MAK16: variants seen among roughly 807,000 people sequenced by gnomAD.
MAK16 encodes the protein MAK16 homolog.
In MAK16, 12 loss-of-function variants were observed where a neutral mutation model predicts 49.9. The ratio of observed to expected loss-of-function variants is 0.24; its 90% CI spans 0.15 to 0.39. MAK16 has a LOEUF of 0.39. Ranked by LOEUF, MAK16 falls within the 10% of genes least tolerant of loss-of-function variation. The probability of loss-of-function intolerance (pLI) is 1.00; values close to 1 mark genes in which losing one functional copy is unlikely to be tolerated. For synonymous variants in MAK16, 115 were observed against 126.4 expected, an observed-to-expected ratio of 0.91 and a Z score of 0.60; for missense variants, 292 against 363.7, an observed-to-expected ratio of 0.80 and a Z score of 1.60.
intron 4 of MAK16, 90 bp from the exon 5 acceptor site, chr8:33,488,898 C>T (rs997850766): frequency 2.5e-6 from 4 of 1,600,406 alleles, no homozygotes; most frequent in Non-Finnish European, 2.6e-6. Flanking sequence ...CTTTTGAGGC[C>T]ATCCTCATTA....
rs965129617 is a variant in MAK16 at position 33,500,584 on chromosome 8, T to C, written c.*1955T>C. The C allele has an allele frequency of 6.8e-7, 1 of 1,477,490 alleles. No homozygotes were observed. The highest frequency in any genetic ancestry group is 9.2e-7 in the Non-Finnish European group (1 of 1,086,698). The allele number at this position is 1,477,490 out of a possible 1,614,324, so 91.5% of individuals were successfully genotyped here. A position where few individuals can be genotyped will look rare whatever the true frequency, so the allele number is the denominator to read the frequency against. ...GACTGTCAAGTGGAAAGCTATCATT[T>C]CCTAAATTAAGGAACTTAGGTCAAA... On this transcript the variant is annotated 3_prime_UTR_variant, in exon 10 of 10. Coordinates refer to ENST00000360128, the MANE Select transcript of MAK16 (RefSeq NM_032509.4).
intron 6 of MAK16, among the ~76,000 whole-genome samples, chr8:33,490,545 T>C (rs1585314485): frequency 6.6e-6 from 1 of 152,226 alleles, no homozygotes; most frequent in South Asian, 2.1e-4. Context: ...TTTGGGGATA[T>C]ATGTAATGGA....
At position 33,490,359 on chromosome 8, in the gene MAK16, T is replaced by G. The variant is rs1207909123; in HGVS notation, c.447+20T>G. The G allele has an allele frequency of 1.2e-6, 2 of 1,601,644 alleles. No homozygotes were observed. The highest frequency in any genetic ancestry group is 1.1e-5 in the South Asian group (1 of 90,568). On this transcript the variant is annotated intron_variant, in intron 6 of 9. Coordinates refer to ENST00000360128, the MANE Select transcript of MAK16 (RefSeq NM_032509.4). ...AGAGAGGTAACTTATTGTTGAGATA[T>G]TCATACCTTCTACATTTTCTTTCTG...
intron 6 of MAK16, 148 bp from the exon 7 acceptor site, chr8:33,495,394 C>A: frequency 1.6e-6 from 1 of 637,560 alleles, no homozygotes; most frequent in Non-Finnish European, 2.7e-6. Flanking sequence ...AGAAATCTAT[C>A]TCGTTGGAAA....
At position 33,496,709 on chromosome 8, in the gene MAK16, G is replaced by A; in HGVS notation, c.607G>A (p.Glu203Lys). The change falls in exon 8 of 10, where the codon GAG becomes AAG. Residue 203 changes from glutamate (E) to lysine (K), a missense_variant. Physicochemically the swap from Glu to Lys is moderately conservative, Grantham distance 56. Transcript: ENST00000360128. ...GGCAGAGAGTGACTCTTCAGATACT[G>A]AGGAAAAAGATGATGATGATGATGA... The part of the protein sequence containing the change: ...QEAESDSSDT[E>K]EKDDDDDDEE... 6.2e-7 allele frequency: 1 copy of A among 1,612,022 alleles called. No homozygotes were observed. Among genetic ancestry groups the A allele is most frequent in the South Asian group, 1.1e-5 (1 of 90,810 alleles).
chr8:33,487,896 C>G (rs915045723), intron 1 of MAK16, among the ~76,000 whole-genome samples: 1 of 152,088 alleles, frequency 6.6e-6, no homozygotes, highest in Non-Finnish European at 1.5e-5. Context: ...CTGTATTTAG[C>G]TTTTCTATAA....
rs369102207 is a variant in MAK16, at chr8:33,490,269, A to G, written c.393-16A>G. 14 of 1,606,446 alleles carry G rather than the reference A, an allele frequency of 8.7e-6. No homozygotes were observed. In the African/African-American group the frequency reaches 9.4e-5, roughly 11 times the overall value. On this transcript the variant is annotated splice_polypyrimidine_tract_variant and intron_variant, in intron 5 of 9. Coordinates refer to ENST00000360128, the MANE Select transcript of MAK16 (RefSeq NM_032509.4). ...CACATGACAGTGGATTTTCTGATAT[A>G]TTTTCTTTCCCTTAGGAGGAAACTT... is the stretch of plus-strand genomic sequence containing the variant.
chr8:33,498,664 T>G lies in MAK16; in HGVS notation c.*35T>G. ...CAGCATTTATACCCAGGACTGAACA[T>G]GCAGAACTGTTTTTTTTTTTTTTTT... On this transcript the variant is annotated 3_prime_UTR_variant, in exon 10 of 10. Transcript: ENST00000360128. 6.8e-7 allele frequency: 1 copy of G among 1,460,474 alleles called. No homozygotes were observed. The highest frequency in any genetic ancestry group is 9.3e-7 in the Non-Finnish European group (1 of 1,072,674). The allele number at this position is 1,460,474 out of a possible 1,614,324, so 90.5% of individuals were successfully genotyped here.
rs1182899346 is a variant in MAK16 at position 33,498,853 on chromosome 8, T to G, written c.*224T>G. ...TGTTTTTATAGCATATGTGTTGAAG[T>G]AACAGCTTGTGCCCGAGAAACTTAA... is the stretch of plus-strand genomic sequence containing the variant. On this transcript the variant is annotated 3_prime_UTR_variant, in exon 10 of 10. Coordinates refer to ENST00000360128, the MANE Select transcript of MAK16 (RefSeq NM_032509.4). 2.5e-5 allele frequency: 15 copies of G among 591,716 alleles called. No homozygotes were observed. The highest frequency in any genetic ancestry group is 4.2e-5 in the Non-Finnish European group (14 of 337,210). The allele number at this position is 591,716 out of a possible 1,614,324, so 36.7% of individuals were successfully genotyped here. A position where few individuals can be genotyped will look rare whatever the true frequency, so the allele number is the denominator to read the frequency against.
In MAK16 at chr8:33,498,939, C is replaced by A; in HGVS notation, c.*310C>A. On this transcript the variant is annotated 3_prime_UTR_variant, in exon 10 of 10. Transcript: ENST00000360128. ...TGTAAATATTTCTAAATTTTAAATG[C>A]TACATTACTTGGTGTCCTTTTTTCT... is the stretch of plus-strand genomic sequence containing the variant. The A allele has an allele frequency of 1.7e-6, 1 of 582,874 alleles. No individual in the cohort carries two copies. Among genetic ancestry groups the A allele is most frequent in the Middle Eastern group, 4.6e-4 (1 of 2,192 alleles). The allele number at this position is 582,874 out of a possible 1,614,324, so 36.1% of individuals were successfully genotyped here.
chr8:33,496,555 C>G, intron 7 of MAK16, 70 bp from the exon 8 acceptor site: 1 of 1,164,898 alleles, frequency 8.6e-7, no homozygotes, highest in African/African-American at 1.5e-5. Flanking sequence ...GTAATATTCT[C>G]CACAGAAAGT....
intron 6 of MAK16, among the ~76,000 whole-genome samples, chr8:33,493,257 A>G (rs554247688): frequency 2.6e-5 from 4 of 152,244 alleles, no homozygotes; most frequent in East Asian, 3.9e-4. Context: ...GGATTCAAGC[A>G]ATTCTTGTGC....
rs1456945107 is a variant in MAK16 at position 33,489,895 on chromosome 8, G to A, written c.393-390G>A. Among the ~76,000 whole-genome samples, 1 of 152,166 alleles carries A rather than the reference G, an allele frequency of 6.6e-6. No individual in the cohort carries two copies. The highest frequency in any genetic ancestry group is 2.4e-5 in the African/African-American group (1 of 41,440). ...ACTGTGATCTACATAGAATGCTAAA[G>A]ATGATGTCAGACTTCGACAGAAAAT... On this transcript the variant is annotated intron_variant, in intron 5 of 9. Transcript: ENST00000360128. The surrounding 1 kb of genome is among the most constrained non-coding windows in gnomAD (Gnocchi z 4.2).
intron 9 of MAK16, among the ~76,000 whole-genome samples, chr8:33,497,519 GT>G (rs1044141303): frequency 3.3e-5 from 5 of 151,500 alleles, no homozygotes; most frequent in Admixed American, 2.6e-4. Flanking sequence ...TTTAGATGAA[GT>G]TTCGCTCTGT....
chr8:33,500,399 T>TA lies in MAK16; in HGVS notation c.*1772dup, dbSNP rs758541435. 2.4e-5 allele frequency: 39 copies of TA among 1,614,062 alleles called. No individual in the cohort carries two copies. The African/African-American group carries it at 4.5e-4, about 19-fold the overall frequency. On this transcript the variant is annotated 3_prime_UTR_variant, in exon 10 of 10. Coordinates refer to ENST00000360128, the MANE Select transcript of MAK16 (RefSeq NM_032509.4). ...GTGGCCTCCTGTAGCAGGGCGCTCT[T>TA]AACAGACTCAGGTGTAAGGTTTGGA...
At chr8:33,486,075 A>C (rs1050231396) in intron 1 of MAK16, among the ~76,000 whole-genome samples, 1 of 152,230 alleles carries the variant, frequency 6.6e-6, no homozygotes, top group Admixed American at 6.5e-5. Context: ...TATAAGGGTC[A>C]TCAAAGTGAC....
At chr8:33,498,406 C>CT in intron 9 of MAK16, 26 bp from the exon 10 acceptor site, 3 of 1,609,056 alleles carry the variant, frequency 1.9e-6, no homozygotes, top group Non-Finnish European at 2.5e-6. Context: ...TTCCCTCTTC[C>CT]TTTATCTTTT....
In MAK16 at chr8:33,497,197, G is replaced by C. The variant is rs780863815; in HGVS notation, c.640-35G>C. Reference sequence around the variant, plus strand: ...GATGTCTAATCTGAATCTTCATTATGTATTCTGAACCTAACAGTTATGTTT... The same window carrying C: ...GATGTCTAATCTGAATCTTCATTATCTATTCTGAACCTAACAGTTATGTTT... On this transcript the variant is annotated intron_variant, in intron 8 of 9. Coordinates refer to ENST00000360128, the MANE Select transcript of MAK16 (RefSeq NM_032509.4). 2.7e-6 allele frequency: 4 copies of C among 1,456,120 alleles called. No individual in the cohort carries two copies. In the South Asian group the frequency reaches 3.4e-5, roughly 13 times the overall value. 90.2% of individuals were successfully genotyped at this position (1,456,120 alleles called of 1,614,324 possible). A position where few individuals can be genotyped will look rare whatever the true frequency, so the allele number is the denominator to read the frequency against.
Position 33,500,029 on chromosome 8 carries a change from G to A in MAK16, c.*1400G>A. On this transcript the variant is annotated 3_prime_UTR_variant, in exon 10 of 10. Transcript: ENST00000360128. Reference sequence around the variant, plus strand: ...TTTTTTAATTCAGAAGACTAGAACAGAACTTAAATTTTACAAACTTTTGAT... The same window carrying A: ...TTTTTTAATTCAGAAGACTAGAACAAAACTTAAATTTTACAAACTTTTGAT... 4.2e-6 allele frequency: 1 copy of A among 236,890 alleles called. No homozygotes were observed. 14.7% of individuals were successfully genotyped at this position (236,890 alleles called of 1,614,324 possible).
Sources: gnomAD v4.1 joint callset for allele counts (sites outside exome capture counted in the v4.1 genomes callset) on GRCh38, gnomAD v4.1.1 for gene constraint, Gnocchi (gnomAD v3.1) non-coding constraint, MANE v1.5 for transcripts, NCBI Gene and HGNC (gene_info 2026-07-23, HGNC 2026-07-21) for gene names.